The following WDR7 variants were observed in gnomAD, a reference collection of about 807,000 sequenced individuals.
WDR7 encodes WD repeat-containing protein 7.
In WDR7, 46 loss-of-function variants were observed where a neutral mutation model predicts 169.4. The ratio of observed to expected loss-of-function variants is 0.27; its 90% CI spans 0.21 to 0.35. WDR7 has a LOEUF of 0.35. Ranked by LOEUF, WDR7 falls within the 10% of genes least tolerant of loss-of-function variation. The pLI is 1.00. For missense variants in WDR7, 1,534 were observed against 1,859.3 expected, an observed-to-expected ratio of 0.83 and a Z score of 3.22; for synonymous variants, 612 against 666.8, an observed-to-expected ratio of 0.92 and a Z score of 1.27.
chr18:56,866,899 T>C (rs2045889642), intron 20 of WDR7, among the ~76,000 whole-genome samples: 1 of 152,214 alleles, frequency 6.6e-6, no homozygotes, highest in Non-Finnish European at 1.5e-5. Context: ...TTTAAGGTGA[T>C]GAATATCCCA....
At chr18:56,796,582 A>G (rs1316635375) in intron 19 of WDR7, among the ~76,000 whole-genome samples, 1 of 152,200 alleles carries the variant, frequency 6.6e-6, no homozygotes, top group Non-Finnish European at 1.5e-5. Flanking sequence ...CACTAAAAAA[A>G]CTTAATAGCA....
intron 20 of WDR7, among the ~76,000 whole-genome samples, chr18:56,875,867 C>T (rs2046014884): frequency 6.6e-6 from 1 of 152,116 alleles, no homozygotes; most frequent in South Asian, 2.1e-4. Context: ...GAATGAACTG[C>T]CACCACCACT....
intron 14 of WDR7, among the ~76,000 whole-genome samples, chr18:56,744,272 A>G (rs1008068822): frequency 2.7e-5 from 4 of 145,764 alleles, no homozygotes; most frequent in Non-Finnish European, 6.0e-5. Flanking sequence ...AAAAAAAAGA[A>G]AGAGCACAGG....
chr18:56,872,693 G>T (rs569283840), intron 20 of WDR7: 2 of 152,052 alleles, frequency 1.3e-5, no homozygotes, highest in Non-Finnish European at 2.9e-5. Context: ...TCCACACAGG[G>T]CTAGTTGAAG....
At chr18:56,942,920 A>T (rs1599178261) in intron 25 of WDR7, among the ~76,000 whole-genome samples, 1 of 152,366 alleles carries the variant, frequency 6.6e-6, no homozygotes, top group Non-Finnish European at 1.5e-5. Flanking sequence ...TAAAGTCCAC[A>T]TAGGCCCATT....
intron 13 of WDR7, among the ~76,000 whole-genome samples, chr18:56,728,989 T>G (rs1452095522): frequency 6.6e-6 from 1 of 152,216 alleles, no homozygotes; most frequent in African/African-American, 2.4e-5. Context: ...TTACTGACTT[T>G]GGGCTCGGTT....
At chr18:57,007,743 T>A (rs2048084733) in intron 26 of WDR7, among the ~76,000 whole-genome samples, 1 of 152,188 alleles carries the variant, frequency 6.6e-6, no homozygotes, top group African/African-American at 2.4e-5. Flanking sequence ...AGGTCTACAA[T>A]GTGTACAATG....
rs386387798 is a variant in WDR7 at position 56,820,339 on chromosome 18, C to CAAAAAAAAAAAAAAAAA, written c.3304+4204_3304+4220dup. ...AAGGGTCAAGAGTCACTGACATTGT[C>CAAAAAAAAAAAAAAAAA]AAAAAAAAAAAAAAAAAAAAAAAAA... On this transcript the variant is annotated intron_variant, in intron 20 of 27. Transcript: ENST00000254442. 9.4e-5 allele frequency among the ~76,000 whole-genome samples: 4 copies of CAAAAAAAAAAAAAAAAA among 42,480 alleles called. 1 individual carries two copies. The highest frequency in any genetic ancestry group is 1.5e-4 in the Non-Finnish European group (4 of 26,256). The allele number at this position is 42,480 out of a possible 152,430, so 27.9% of individuals were successfully genotyped here.
At chr18:56,783,197 C>CT (rs1300580431) in intron 19 of WDR7, among the ~76,000 whole-genome samples, 1 of 149,834 alleles carries the variant, frequency 6.7e-6, no homozygotes, top group Non-Finnish European at 1.5e-5. Flanking sequence ...CATATAGACT[C>CT]TAAGTTATTA....
chr18:57,010,932 G>T (rs1232054023), intron 26 of WDR7, among the ~76,000 whole-genome samples: 3 of 152,090 alleles, frequency 2.0e-5, no homozygotes, highest in Non-Finnish European at 4.4e-5. Context: ...GCTGTATGAT[G>T]ATTACAGCGT....
intron 19 of WDR7, among the ~76,000 whole-genome samples, chr18:56,803,360 G>A (rs1404335587): frequency 6.6e-6 from 1 of 152,122 alleles, no homozygotes; most frequent in East Asian, 1.9e-4. Context: ...GTGTAAAGAG[G>A]TTAAGAGTCA....
chr18:56,666,924 G>T (rs767978647), intron 1 of WDR7, among the ~76,000 whole-genome samples: 1 of 148,856 alleles, frequency 6.7e-6, no homozygotes, highest in Non-Finnish European at 1.5e-5. Flanking sequence ...TTACAAAAGC[G>T]TTTCTTTTTT....
intron 20 of WDR7, among the ~76,000 whole-genome samples, chr18:56,863,340 A>T (rs1468707706): frequency 6.6e-6 from 1 of 151,802 alleles, no homozygotes; most frequent in East Asian, 1.9e-4. Context: ...TATGTTACAA[A>T]TATTGATTCT....
chr18:56,997,697 G>A (rs995293736), intron 26 of WDR7, among the ~76,000 whole-genome samples: 4 of 151,734 alleles, frequency 2.6e-5, no homozygotes, highest in Admixed American at 2.0e-4. Flanking sequence ...ATTTTTTTTG[G>A]CACTTGGATT....
intron 20 of WDR7, among the ~76,000 whole-genome samples, chr18:56,821,382 A>ACCCT (rs1568214620): frequency 1.3e-5 from 2 of 152,304 alleles, no homozygotes; most frequent in South Asian, 4.1e-4. Context: ...AAACAAGCTG[A>ACCCT]GAGAGATAAC....
chr18:56,824,873 A>G (rs977624408), intron 20 of WDR7, among the ~76,000 whole-genome samples: 17 of 152,254 alleles, frequency 1.1e-4, no homozygotes, highest in Non-Finnish European at 2.4e-4. Flanking sequence ...TAGAACAAAA[A>G]CCTGGAACAA....
At chr18:56,900,699 ACCGCTGCCTGTGAGTG>A (rs1447505205) in intron 21 of WDR7, among the ~76,000 whole-genome samples, 1 of 152,190 alleles carries the variant, frequency 6.6e-6, no homozygotes, top group Non-Finnish European at 1.5e-5. Flanking sequence ...AAAGTGGCCT[ACCGCTGCCTGTGAGTG>A]GAGGCAGCTT....
intron 20 of WDR7, among the ~76,000 whole-genome samples, chr18:56,835,336 A>C (rs781459288): frequency 6.6e-6 from 1 of 152,232 alleles, no homozygotes; most frequent in African/African-American, 2.4e-5. Flanking sequence ...CAGATGCTGT[A>C]CTAAGATCAG....
chr18:56,979,351 A>G (rs575209617), intron 26 of WDR7, among the ~76,000 whole-genome samples: 89 of 152,294 alleles, frequency 5.8e-4, no homozygotes, highest in Non-Finnish European at 1.0e-3. Flanking sequence ...TTCCTGTGAC[A>G]TTATGCTAAA....
Sources: gnomAD v4.1 joint callset for allele counts (sites outside exome capture counted in the v4.1 genomes callset) on GRCh38, gnomAD v4.1.1 for gene constraint, MANE v1.5 for transcripts, NCBI Gene and HGNC (gene_info 2026-07-23, HGNC 2026-07-21) for gene names.